The following LRRC4C variants were observed in gnomAD, a reference collection of about 807,000 sequenced individuals.
LRRC4C encodes the protein leucine rich repeat containing 4C, also known as leucine-rich repeat-containing protein 4C.
Under a neutral mutation model 33.6 loss-of-function variants are expected in LRRC4C, and 5 were observed. The observed-to-expected ratio is 0.15, with a 90% CI of 0.08 to 0.31. The LOEUF is 0.31. LRRC4C is among the 10% of genes least tolerant of loss of function. The pLI is 1.00. For synonymous variants in LRRC4C, 329 were observed against 302.0 expected (o/e 1.09, Z -0.93); for missense variants, 560 against 796.7 (o/e 0.70, Z 3.58).
chr11:41,222,368 C>A (rs917462661), intron 1 of LRRC4C, among the ~76,000 whole-genome samples: 1 of 152,108 alleles, frequency 6.6e-6, no homozygotes, highest in Non-Finnish European at 1.5e-5. Flanking sequence ...TTCCTCTCCC[C>A]CAAAGAGCAG....
chr11:40,258,617 A>C (rs1255484244), intron 4 of LRRC4C, among the ~76,000 whole-genome samples: 1 of 152,174 alleles, frequency 6.6e-6, no homozygotes, highest in African/African-American at 2.4e-5. Flanking sequence ...GGAAAATAGC[A>C]AAAATCCCAG....
At chr11:41,129,861 A>G (rs1308831112) in intron 1 of LRRC4C, among the ~76,000 whole-genome samples, 1 of 151,936 alleles carries the variant, frequency 6.6e-6, no homozygotes, top group Non-Finnish European at 1.5e-5. Context: ...AATTGCTCCT[A>G]CATGAACTCT....
At chr11:40,459,280 A>G (rs1182848881) in intron 3 of LRRC4C, among the ~76,000 whole-genome samples, 2 of 152,126 alleles carry the variant, frequency 1.3e-5, no homozygotes, top group Non-Finnish European at 2.9e-5. Flanking sequence ...CCAATTTGGA[A>G]GCAGTATGCA....
intron 5 of LRRC4C, among the ~76,000 whole-genome samples, chr11:40,230,377 T>C (rs1865113605): frequency 6.6e-6 from 1 of 152,192 alleles, no homozygotes; most frequent in Admixed American, 6.5e-5. Context: ...CCCACTAATT[T>C]GGGGTATAAG....
chr11:40,453,335 C>A, intron 3 of LRRC4C, among the ~76,000 whole-genome samples: 1 of 151,354 alleles, frequency 6.6e-6, no homozygotes, highest in African/African-American at 2.4e-5. Context: ...GTAGTGTATA[C>A]AAAAAATAAA....
At chr11:40,801,172 C>T (rs9888237) in intron 2 of LRRC4C, among the ~76,000 whole-genome samples, 43,727 of 151,968 alleles carry the variant, frequency 0.29, 8,825 homozygotes, top group African/African-American at 0.58. Context: ...CATATTCTTC[C>T]CTCTTATTAA....
intron 2 of LRRC4C, among the ~76,000 whole-genome samples, chr11:40,839,062 G>A (rs1413707440): frequency 6.6e-6 from 1 of 152,026 alleles, no homozygotes; most frequent in Non-Finnish European, 1.5e-5. Flanking sequence ...ATATTTTCAT[G>A]TAATATGTTT....
intron 1 of LRRC4C, among the ~76,000 whole-genome samples, chr11:41,430,369 G>T (rs946099290): frequency 1.3e-5 from 2 of 152,044 alleles, no homozygotes; most frequent in Non-Finnish European, 2.9e-5. Flanking sequence ...TCCTCATACT[G>T]GGAAAGAAAA....
intron 3 of LRRC4C, among the ~76,000 whole-genome samples, chr11:40,623,976 A>T (rs1962698701): frequency 6.6e-6 from 1 of 152,154 alleles, no homozygotes; most frequent in Non-Finnish European, 1.5e-5. Flanking sequence ...ATTTTCAAAA[A>T]TCTGCCTGTG....
intron 3 of LRRC4C, among the ~76,000 whole-genome samples, chr11:40,391,113 C>T (rs1286808622): frequency 6.6e-6 from 1 of 152,124 alleles, no homozygotes; most frequent in Non-Finnish European, 1.5e-5. Context: ...AACTCCTGAC[C>T]TCGATCTGCC....
At chr11:41,099,751 G>A (rs574517607) in intron 1 of LRRC4C, among the ~76,000 whole-genome samples, 1 of 152,056 alleles carries the variant, frequency 6.6e-6, no homozygotes, top group East Asian at 1.9e-4. Context: ...ATAGGCAAAA[G>A]CTAGGAGCAG....
intron 3 of LRRC4C, among the ~76,000 whole-genome samples, chr11:40,630,463 G>C (rs190510930): frequency 1.2e-4 from 16 of 134,678 alleles, no homozygotes; most frequent in Admixed American, 9.5e-4. Context: ...CTACCACTTT[G>C]TCCACTAGCC....
chr11:40,912,131 T>A (rs1426126515), intron 2 of LRRC4C, among the ~76,000 whole-genome samples: 1 of 152,186 alleles, frequency 6.6e-6, no homozygotes, highest in Non-Finnish European at 1.5e-5. Flanking sequence ...TGCAGGATAT[T>A]ATCCAGGAGA....
chr11:40,646,365 T>A (rs1340669050), intron 3 of LRRC4C, among the ~76,000 whole-genome samples: 1 of 152,170 alleles, frequency 6.6e-6, no homozygotes, highest in Non-Finnish European at 1.5e-5. Context: ...CACAAGCATA[T>A]AAGAAGCTTC....
At chr11:40,827,476 G>T (rs1241655129) in intron 2 of LRRC4C, among the ~76,000 whole-genome samples, 4 of 151,744 alleles carry the variant, frequency 2.6e-5, no homozygotes, top group African/African-American at 4.8e-5. Context: ...CAAAAGCAAA[G>T]ACAAGAATCT....
chr11:40,443,703 T>C (rs572758619), intron 3 of LRRC4C, among the ~76,000 whole-genome samples: 1 of 152,324 alleles, frequency 6.6e-6, no homozygotes, highest in African/African-American at 2.4e-5. Flanking sequence ...AATGAACACC[T>C]GTGGTATTTA....
At chr11:41,298,679 C>A (rs1950206672) in intron 1 of LRRC4C, among the ~76,000 whole-genome samples, 1 of 152,082 alleles carries the variant, frequency 6.6e-6, no homozygotes, top group East Asian at 1.9e-4. Context: ...GGTGCAAGTG[C>A]AGTTTTTTTA....
intron 2 of LRRC4C, among the ~76,000 whole-genome samples, chr11:40,921,525 C>G (rs138725445): frequency 3.9e-5 from 6 of 152,096 alleles, no homozygotes; most frequent in African/African-American, 1.4e-4. Flanking sequence ...GAATGCAGTC[C>G]TCTTGACATC....
intron 3 of LRRC4C, among the ~76,000 whole-genome samples, chr11:40,551,349 A>AG (rs775708757): frequency 3.9e-4 from 50 of 129,086 alleles, no homozygotes; most frequent in Admixed American, 1.4e-3. Flanking sequence ...CATTTCAAGG[A>AG]ATTTTTCCTG....
Sources: gnomAD v4.1 joint callset for allele counts (sites outside exome capture counted in the v4.1 genomes callset) on GRCh38, gnomAD v4.1.1 for gene constraint, MANE v1.5 for transcripts, NCBI Gene and HGNC (gene_info 2026-07-23, HGNC 2026-07-21) for gene names.